AGPAT4: variants seen among roughly 807,000 people sequenced by gnomAD.
The protein encoded by AGPAT4 is 1-acylglycerol-3-phosphate O-acyltransferase 4.
AGPAT4 carries 15 observed loss-of-function variants against 48.0 expected under a neutral mutation model. The observed-to-expected ratio is 0.31, with a 90% CI of 0.21 to 0.48. The LOEUF (loss-of-function observed/expected upper bound fraction) is 0.48, where lower values mean the gene tolerates loss of function less well. Ranked by LOEUF, AGPAT4 falls within the 20% of genes least tolerant of loss-of-function variation. The pLI, the probability that AGPAT4 is intolerant of heterozygous loss-of-function variation, is 0.99. For missense variants in AGPAT4, 314 were observed against 482.5 expected, an observed-to-expected ratio of 0.65 and a Z score of 3.27; for synonymous variants, 178 against 198.7, an observed-to-expected ratio of 0.90 and a Z score of 0.88.
chr6:161,145,589 G>C (rs181405636), intron 7 of AGPAT4, among the ~76,000 whole-genome samples: 1 of 151,668 alleles, frequency 6.6e-6, no homozygotes, highest in Non-Finnish European at 1.5e-5. Flanking sequence ...CATCATACTA[G>C]AGTCTGTTAA....
intron 3 of AGPAT4, chr6:161,160,932 C>A (rs1255619798): frequency 2.2e-6 from 1 of 452,052 alleles, no homozygotes; most frequent in Admixed American, 2.4e-5. Flanking sequence ...TCGCCCAGCA[C>A]CCCAGCACCC....
At position 161,142,849 on chromosome 6, in the gene AGPAT4, A is replaced by G. The variant is rs6937526; in HGVS notation, c.844-3229T>C. The stretch of plus-strand genomic sequence containing the variant: ...GGACTTGCAAAGGACTTACCATGGG[A>G]GCCAAGCCTTGAGGCTCCCTGCTGC... On this transcript the variant is annotated intron_variant, in intron 7 of 8. Coordinates refer to ENST00000320285, the MANE Select transcript of AGPAT4 (RefSeq NM_020133.3). The surrounding 1 kb of genome is among the most constrained non-coding windows in gnomAD (Gnocchi z 6.4). Among the ~76,000 whole-genome samples, 147,256 of 152,286 alleles carry G rather than the reference A, an allele frequency of 0.97. 71,229 individuals carry two copies. Among genetic ancestry groups the G allele is most frequent in the East Asian group, 1 (5,154 of 5,166 alleles).
At position 161,130,572 on chromosome 6, in the gene AGPAT4, C is replaced by G. The variant is rs1264839993; in HGVS notation, c.*5968G>C. On this transcript the variant is annotated 3_prime_UTR_variant, in exon 9 of 9. Coordinates refer to ENST00000320285, the MANE Select transcript of AGPAT4 (RefSeq NM_020133.3). ...AATTCACTGTTCACTTAGAGCAACT[C>G]ATTCCCTGACCTGAACCGGGTGTGT... 1.5e-5 allele frequency: 3 copies of G among 200,696 alleles called. No individual in the cohort carries two copies. The highest frequency in any genetic ancestry group is 6.8e-5 in the African/African-American group (3 of 43,846). The allele number at this position is 200,696 out of a possible 1,614,324, so 12.4% of individuals were successfully genotyped here. A position where few individuals can be genotyped will look rare whatever the true frequency, so the allele number is the denominator to read the frequency against.
Position 161,225,883 on chromosome 6 carries a change from G to A in AGPAT4, c.178+6153C>T, listed in dbSNP as rs553951402. ...GCCACAGGCAGAAGGAGGCCTAGGC[G>A]GGTCTGAGAGGCTTTAAATTCCCTT... On this transcript the variant is annotated intron_variant, in intron 2 of 8. Coordinates refer to ENST00000320285, the MANE Select transcript of AGPAT4 (RefSeq NM_020133.3). The surrounding 1 kb of genome is among the most constrained non-coding windows in gnomAD (Gnocchi z 5.0). 5.9e-5 allele frequency among the ~76,000 whole-genome samples: 9 copies of A among 152,294 alleles called. No individual in the cohort carries two copies. In the South Asian group the frequency reaches 1.7e-3, roughly 28 times the overall value.
intron 7 of AGPAT4, among the ~76,000 whole-genome samples, chr6:161,145,273 T>G (rs903795513): frequency 7.3e-5 from 11 of 151,682 alleles, no homozygotes; most frequent in Admixed American, 2.0e-4. Context: ...AGAGACAGAA[T>G]CACTGGGGTT....
Position 161,136,287 on chromosome 6 carries a change from CCA to C in AGPAT4, c.*251_*252del. ...GATCACAGAACAAAGTTCACACTCA[CCA>C]CACAGCCATTCTCACACACACTCGC... On this transcript the variant is annotated 3_prime_UTR_variant, in exon 9 of 9. Coordinates refer to ENST00000320285, the MANE Select transcript of AGPAT4 (RefSeq NM_020133.3). 2.0e-6 allele frequency: 1 copy of C among 504,056 alleles called. No homozygotes were observed. Among genetic ancestry groups the C allele is most frequent in the Non-Finnish European group, 3.6e-6 (1 of 276,870 alleles). The allele number at this position is 504,056 out of a possible 1,614,324, so 31.2% of individuals were successfully genotyped here.
intron 2 of AGPAT4, among the ~76,000 whole-genome samples, chr6:161,179,370 A>T (rs1295693607): frequency 1.9e-4 from 29 of 152,176 alleles, no homozygotes; most frequent in Admixed American, 1.9e-3. Context: ...GGGGCTAGAG[A>T]AGGGAAATAA....
Position 161,212,822 on chromosome 6 carries a change from A to C in AGPAT4, c.178+19214T>G, listed in dbSNP as rs4708900. 0.038 allele frequency among the ~76,000 whole-genome samples: 5,805 copies of C among 152,290 alleles called. 254 individuals carry two copies. Among genetic ancestry groups the C allele is most frequent in the East Asian group, 0.22 (1,128 of 5,176 alleles). On this transcript the variant is annotated intron_variant, in intron 2 of 8. Coordinates refer to ENST00000320285, the MANE Select transcript of AGPAT4 (RefSeq NM_020133.3). This position sits in a 1 kb window ranked among gnomAD's most constrained non-coding sequence, Gnocchi z 6.1. ...CTATAGAACTCTAACAGGTGTTCTT[A>C]AATGCAGGTTTCTGATAACTAACTT...
At chr6:161,190,329 A>C (rs1382774183) in intron 2 of AGPAT4, among the ~76,000 whole-genome samples, 1 of 152,216 alleles carries the variant, frequency 6.6e-6, no homozygotes, top group Admixed American at 6.5e-5. Context: ...TGAATGTAAG[A>C]GAGTATATGG....
intron 2 of AGPAT4, among the ~76,000 whole-genome samples, chr6:161,205,734 T>C (rs1322028347): frequency 9.1e-6 from 1 of 109,640 alleles, no homozygotes; most frequent in African/African-American, 3.9e-5. Context: ...AAGGTTGAAA[T>C]TACAATAATA....
chr6:161,166,521 T>G lies in AGPAT4; in HGVS notation c.179-104A>C, dbSNP rs928509130. On this transcript the variant is annotated intron_variant, in intron 2 of 8. Coordinates refer to ENST00000320285, the MANE Select transcript of AGPAT4 (RefSeq NM_020133.3). The surrounding 1 kb of genome is among the most constrained non-coding windows in gnomAD (Gnocchi z 6.7). ...CTCCCAGCTAGGGGAGAAAGCAACT[T>G]CTACGGGCAAAGTTCTGGATCGTTG... 2 of 1,369,976 alleles carry G rather than the reference T, an allele frequency of 1.5e-6. No individual in the cohort carries two copies. The allele number at this position is 1,369,976 out of a possible 1,614,324, so 84.9% of individuals were successfully genotyped here. A position where few individuals can be genotyped will look rare whatever the true frequency, so the allele number is the denominator to read the frequency against.
At position 161,139,638 on chromosome 6, in the gene AGPAT4, G is replaced by A. The variant is rs753948470; in HGVS notation, c.844-18C>T. 1.9e-6 allele frequency: 3 copies of A among 1,585,244 alleles called. No individual in the cohort carries two copies. The East Asian group carries it at 6.8e-5, about 36-fold the overall frequency. ...AAGGCATCCTGGGGGACAGGAAAGA[G>A]GACCCTCAGACGCCACACGGGGCTC... is the stretch of plus-strand genomic sequence containing the variant. On this transcript the variant is annotated intron_variant, in intron 7 of 8. Transcript: ENST00000320285. The surrounding 1 kb of genome is among the most constrained non-coding windows in gnomAD (Gnocchi z 9.1).
chr6:161,260,332 T>C (rs188684375), intron 1 of AGPAT4, among the ~76,000 whole-genome samples: 9 of 152,282 alleles, frequency 5.9e-5, no homozygotes, highest in African/African-American at 2.2e-4. Flanking sequence ...CAAGACTAAC[T>C]GCTACTCTCT....
intron 3 of AGPAT4, among the ~76,000 whole-genome samples, chr6:161,162,279 T>C (rs1355117970): frequency 6.6e-6 from 1 of 152,192 alleles, no homozygotes. Flanking sequence ...CTACCCCACA[T>C]CCCTGGGGCA....
chr6:161,195,125 T>A lies in AGPAT4; in HGVS notation c.179-28708A>T, dbSNP rs958607387. Among the ~76,000 whole-genome samples the A allele has an allele frequency of 1.7e-4, 26 of 152,150 alleles. No individual in the cohort carries two copies. Among genetic ancestry groups the A allele is most frequent in the African/African-American group, 6.0e-4 (25 of 41,428 alleles). ...GGGATCTCAACATTAAGTACAAAAT[T>A]AAATATATTCTTTTCTCCAAAAGAA... On this transcript the variant is annotated intron_variant, in intron 2 of 8. Coordinates refer to ENST00000320285, the MANE Select transcript of AGPAT4 (RefSeq NM_020133.3). The surrounding 1 kb of genome is among the most constrained non-coding windows in gnomAD (Gnocchi z 5.0).
rs1779297733 is a variant in AGPAT4 at position 161,142,845 on chromosome 6, T to TG, written c.844-3226dup. Among the ~76,000 whole-genome samples, 1 of 152,166 alleles carries TG rather than the reference T, an allele frequency of 6.6e-6. No homozygotes were observed. The highest frequency in any genetic ancestry group is 1.5e-5 in the Non-Finnish European group (1 of 68,022). ...GCCAGGACTTGCAAAGGACTTACCA[T>TG]GGGAGCCAAGCCTTGAGGCTCCCTG... On this transcript the variant is annotated intron_variant, in intron 7 of 8. Coordinates refer to ENST00000320285, the MANE Select transcript of AGPAT4 (RefSeq NM_020133.3). The surrounding 1 kb of genome is among the most constrained non-coding windows in gnomAD (Gnocchi z 6.4).
At chr6:161,168,115 G>C (rs1211601585) in intron 2 of AGPAT4, among the ~76,000 whole-genome samples, 1 of 151,788 alleles carries the variant, frequency 6.6e-6, no homozygotes, top group Admixed American at 6.5e-5. Context: ...TGTGGGGGCA[G>C]GAAGGCGGTG....
In AGPAT4 at chr6:161,229,277, T is replaced by C. The variant is rs1479256833; in HGVS notation, c.178+2759A>G. ...ATCAGCTGCAAATCATGAATGCTGA[T>C]GACTGTCTAAGCTCAGAGTGACTCA... On this transcript the variant is annotated intron_variant, in intron 2 of 8. Transcript: ENST00000320285. The surrounding 1 kb of genome is among the most constrained non-coding windows in gnomAD (Gnocchi z 6.0). 6.6e-6 allele frequency among the ~76,000 whole-genome samples: 1 copy of C among 152,124 alleles called. No individual in the cohort carries two copies. The highest frequency in any genetic ancestry group is 1.5e-5 in the Non-Finnish European group (1 of 68,028).
At position 161,222,585 on chromosome 6, in the gene AGPAT4, T is replaced by A. The variant is rs1288161394; in HGVS notation, c.178+9451A>T. ...GATTACGCATGAACAGATTTTTTTTTTTTTCAAATTCCAATTAACAGTTTC... is the reference window on the plus strand; with the variant it reads ...GATTACGCATGAACAGATTTTTTTTATTTTCAAATTCCAATTAACAGTTTC... On this transcript the variant is annotated intron_variant, in intron 2 of 8. Coordinates refer to ENST00000320285, the MANE Select transcript of AGPAT4 (RefSeq NM_020133.3). This position sits in a 1 kb window ranked among gnomAD's most constrained non-coding sequence, Gnocchi z 5.9. Among the ~76,000 whole-genome samples the A allele has an allele frequency of 6.6e-6, 1 of 152,214 alleles. No individual in the cohort carries two copies. The highest frequency in any genetic ancestry group is 1.5e-5 in the Non-Finnish European group (1 of 68,040).
Sources: gnomAD v4.1 joint callset for allele counts (sites outside exome capture counted in the v4.1 genomes callset) on GRCh38, gnomAD v4.1.1 for gene constraint, Gnocchi (gnomAD v3.1) non-coding constraint, MANE v1.5 for transcripts, NCBI Gene and HGNC (gene_info 2026-07-23, HGNC 2026-07-21) for gene names.